Variants in APBB2 observed in about 807,000 individuals in gnomAD.
The protein encoded by APBB2 is Fe65-like 1.
Under a neutral mutation model 82.5 loss-of-function variants are expected in APBB2, and 38 were observed. The observed-to-expected ratio is 0.46, with a 90% CI of 0.36 to 0.60. The LOEUF (loss-of-function observed/expected upper bound fraction) is 0.60. Among genes scored for constraint, APBB2 ranks in the 20% least tolerant of loss-of-function variants. The probability of loss-of-function intolerance (pLI) is 0.00; values close to 1 mark genes in which losing one functional copy is unlikely to be tolerated. For synonymous variants in APBB2, 341 were observed against 368.2 expected, an observed-to-expected ratio of 0.93 and a Z score of 0.85; for missense variants, 772 against 972.3, an observed-to-expected ratio of 0.79 and a Z score of 2.74.
Position 41,014,193 on chromosome 4 carries a change from G to T in APBB2, c.225C>A (p.Ile75=). ...GATCCGAGAGGCCCATGGCCGCCTGGATGTTAGTTAGTGCATATTTTTTCC... is the reference window on the plus strand; with the variant it reads ...GATCCGAGAGGCCCATGGCCGCCTGTATGTTAGTTAGTGCATATTTTTTCC... The part of the protein sequence containing the change: ...KCRKKYALTN[I]QAAMGLSDPA... The change falls in exon 6 of 18, where the codon ATC becomes ATA. Residue 75 remains isoleucine (I), a synonymous_variant. Coordinates refer to ENST00000508593, the MANE Select transcript of APBB2 (RefSeq NM_004307.2). The T allele has an allele frequency of 6.2e-7, 1 of 1,614,224 alleles. No homozygotes were observed. The highest frequency in any genetic ancestry group is 8.5e-7 in the Non-Finnish European group (1 of 1,180,046).
At chr4:41,079,946 G>A (rs1736996421) in intron 3 of APBB2, among the ~76,000 whole-genome samples, 1 of 152,206 alleles carries the variant, frequency 6.6e-6, no homozygotes. Context: ...GGAAATGTAA[G>A]CAGCTTGTGA....
At chr4:41,138,651 T>A (rs1423610265) in intron 2 of APBB2, among the ~76,000 whole-genome samples, 1 of 152,206 alleles carries the variant, frequency 6.6e-6, no homozygotes, top group Non-Finnish European at 1.5e-5. Context: ...TCATCTTTTA[T>A]CCTTATCAAA....
chr4:41,039,605 T>G (rs573834648), intron 4 of APBB2, among the ~76,000 whole-genome samples: 114 of 152,264 alleles, frequency 7.5e-4, no homozygotes, highest in Middle Eastern at 6.8e-3. Context: ...CACTTGTAAA[T>G]CCCGGCACTT....
chr4:40,852,543 G>T (rs920599920), intron 12 of APBB2, among the ~76,000 whole-genome samples: 1 of 152,062 alleles, frequency 6.6e-6, no homozygotes, highest in South Asian at 2.1e-4. Context: ...GGGTACTGAA[G>T]GGTGAAAACA....
chr4:41,168,306 AAG>A (rs1471560283), intron 1 of APBB2, among the ~76,000 whole-genome samples: 1 of 151,900 alleles, frequency 6.6e-6, no homozygotes, highest in Non-Finnish European at 1.5e-5. Flanking sequence ...AAAAAAGAAA[AAG>A]AAATATTGAC....
chr4:40,988,814 G>A (rs1801168360), intron 6 of APBB2, among the ~76,000 whole-genome samples: 1 of 149,626 alleles, frequency 6.7e-6, no homozygotes, highest in Non-Finnish European at 1.5e-5. Flanking sequence ...CACCCAGGCT[G>A]GAGTGCAGTG....
intron 6 of APBB2, among the ~76,000 whole-genome samples, chr4:40,963,350 G>T (rs141841296): frequency 1.3e-5 from 2 of 151,990 alleles, no homozygotes; most frequent in African/African-American, 4.8e-5. Flanking sequence ...GGGCTCAAGC[G>T]ATCTTCCCAC....
At chr4:40,947,616 AGAG>A (rs1255691402) in intron 6 of APBB2, among the ~76,000 whole-genome samples, 1 of 152,258 alleles carries the variant, frequency 6.6e-6, no homozygotes, top group African/African-American at 2.4e-5. Context: ...TGAAATAAAA[AGAG>A]GAGGTTTATT....
intron 3 of APBB2, among the ~76,000 whole-genome samples, chr4:41,092,814 T>C (rs1742239048): frequency 6.6e-6 from 1 of 152,160 alleles, no homozygotes; most frequent in South Asian, 2.1e-4. Flanking sequence ...CAACTTTAAA[T>C]TCATGAAAGA....
At chr4:41,159,693 C>CAG (rs1042751198) in intron 1 of APBB2, among the ~76,000 whole-genome samples, 2 of 151,702 alleles carry the variant, frequency 1.3e-5, no homozygotes, top group Non-Finnish European at 2.9e-5. Context: ...CTATAAAGTG[C>CAG]CTCTAAGCTG....
chr4:41,159,910 G>GAGAAGGAGA lies in APBB2; in HGVS notation c.-416-16769_-416-16768insTCTCCTTCT, dbSNP rs1266961338. Among the ~76,000 whole-genome samples, 62 of 13,844 alleles carry GAGAAGGAGA rather than the reference G, an allele frequency of 4.5e-3. 11 individuals carry two copies. The highest frequency in any genetic ancestry group is 0.01 in the Admixed American group (10 of 964). 9.1% of individuals were successfully genotyped at this position (13,844 alleles called of 152,430 possible). A position where few individuals can be genotyped will look rare whatever the true frequency, so the allele number is the denominator to read the frequency against. ...AAAAAAAAGGAAGAAGAAGGAGAAG[G>GAGAAGGAGA]AGGAGGAGGAGGAGGAGGAGGAGGA... is the stretch of plus-strand genomic sequence containing the variant. On this transcript the variant is annotated intron_variant, in intron 1 of 17. Coordinates refer to ENST00000508593, the MANE Select transcript of APBB2 (RefSeq NM_004307.2).
At chr4:41,087,824 G>A (rs1425637164) in intron 3 of APBB2, among the ~76,000 whole-genome samples, 1 of 152,170 alleles carries the variant, frequency 6.6e-6, no homozygotes, top group African/African-American at 2.4e-5. Flanking sequence ...GACTTGTTGA[G>A]CTTATCATAA....
intron 1 of APBB2, among the ~76,000 whole-genome samples, chr4:41,174,558 C>A (rs541485008): frequency 6.6e-6 from 1 of 152,240 alleles, no homozygotes; most frequent in South Asian, 2.1e-4. Flanking sequence ...CTGTTTATTA[C>A]CAGTTGCCCA....
chr4:41,188,767 A>G (rs1309916863), intron 1 of APBB2, among the ~76,000 whole-genome samples: 2 of 152,148 alleles, frequency 1.3e-5, no homozygotes, highest in Non-Finnish European at 2.9e-5. Context: ...GGTGGCAACT[A>G]GCAGGGTGTG....
chr4:40,971,307 T>C (rs1044603841), intron 6 of APBB2, among the ~76,000 whole-genome samples: 9 of 152,206 alleles, frequency 5.9e-5, no homozygotes, highest in Non-Finnish European at 8.8e-5. Context: ...TTATCTTTCA[T>C]CTCTTTCATT....
intron 4 of APBB2, among the ~76,000 whole-genome samples, chr4:41,037,791 G>A (rs1459852119): frequency 1.3e-5 from 2 of 152,096 alleles, no homozygotes; most frequent in African/African-American, 4.8e-5. Flanking sequence ...TGGCTGAGGC[G>A]GGTGGATTAC....
rs112788816 is a variant in APBB2, at chr4:40,816,162, T to C, written c.2210A>G (p.Asn737Ser). Residue 737 changes from asparagine to serine, a missense_variant, in exon 18 of 18, where the codon AAT (asparagine) becomes AGT (serine). Coordinates refer to ENST00000508593, the MANE Select transcript of APBB2 (RefSeq NM_004307.2). ...GAGGGATAAGACCCCTCGTTTTACATTGGTTGTGACTCTTCTGGTTACTGA... is the reference window on the plus strand; with the variant it reads ...GAGGGATAAGACCCCTCGTTTTACACTGGTTGTGACTCTTCTGGTTACTGA... ...ADSVTRRVTT[N>S]VKRGVLSLID... 0.018 allele frequency: 29,207 copies of C among 1,614,192 alleles called. 323 individuals carry two copies. Among genetic ancestry groups the C allele is most frequent in the Non-Finnish European group, 0.022 (26,511 of 1,180,026 alleles).
intron 6 of APBB2, among the ~76,000 whole-genome samples, chr4:41,010,150 C>T (rs538257079): frequency 3.5e-4 from 53 of 152,280 alleles, no homozygotes; most frequent in Non-Finnish European, 6.9e-4. Flanking sequence ...TGAGACAGTG[C>T]AACATGCTGA....
chr4:41,161,541 G>A (rs1466213245), intron 1 of APBB2, among the ~76,000 whole-genome samples: 4 of 152,174 alleles, frequency 2.6e-5, no homozygotes, highest in Admixed American at 1.3e-4. Context: ...AGGAATTGGA[G>A]GCAGCTGTGA....
Sources: gnomAD v4.1 joint callset for allele counts (sites outside exome capture counted in the v4.1 genomes callset) on GRCh38, gnomAD v4.1.1 for gene constraint, MANE v1.5 for transcripts, NCBI Gene and HGNC (gene_info 2026-07-23, HGNC 2026-07-21) for gene names.